The following SHISA9 variants were observed in gnomAD, a reference collection of about 807,000 sequenced individuals.
SHISA9 encodes the protein shisa family member 9.
Under a neutral mutation model 38.0 loss-of-function variants are expected in SHISA9, and 13 were observed. The observed-to-expected ratio is 0.34, with a 90% confidence interval of 0.22 to 0.54. The LOEUF is 0.54. Ranked by LOEUF, SHISA9 falls within the 20% of genes least tolerant of loss-of-function variation. The probability of loss-of-function intolerance (pLI) is 0.91; values close to 1 mark genes in which losing one functional copy is unlikely to be tolerated. For missense variants in SHISA9, 538 were observed against 575.8 expected (o/e 0.93, Z 0.67); for synonymous variants, 275 against 242.0 (o/e 1.14, Z -1.27).
intron 2 of SHISA9, among the ~76,000 whole-genome samples, chr16:13,066,893 T>C (rs139569432): frequency 7.9e-5 from 12 of 152,342 alleles, no homozygotes; most frequent in East Asian, 7.7e-4. Flanking sequence ...TCCTCCTGCA[T>C]TGAGACTCTA....
At chr16:13,348,333 T>A in the SHISA9 span, among the ~76,000 whole-genome samples, 1 of 152,062 alleles carries the variant, frequency 6.6e-6, no homozygotes, top group Non-Finnish European at 1.5e-5. Context: ...GCTCCAAAAG[T>A]GTGAGATTTT....
the SHISA9 span, among the ~76,000 whole-genome samples, chr16:13,497,416 T>A: frequency 6.6e-6 from 1 of 152,226 alleles, no homozygotes; most frequent in South Asian, 2.1e-4. Flanking sequence ...CCGGATGTGG[T>A]GGCTCACACC....
chr16:13,433,323 C>T, the SHISA9 span, among the ~76,000 whole-genome samples: 1 of 152,272 alleles, frequency 6.6e-6, no homozygotes, highest in East Asian at 1.9e-4. Flanking sequence ...AGTTGCTCGT[C>T]TGTAAATCTG....
chr16:13,532,460 G>C, the SHISA9 span, among the ~76,000 whole-genome samples: 1 of 152,120 alleles, frequency 6.6e-6, no homozygotes, highest in Non-Finnish European at 1.5e-5. Context: ...ACCTGGGCTT[G>C]AATCCAAGCT....
chr16:13,254,927 T>G, the SHISA9 span, among the ~76,000 whole-genome samples: 2 of 152,360 alleles, frequency 1.3e-5, no homozygotes, highest in Non-Finnish European at 2.9e-5. Flanking sequence ...GGCCTGAACC[T>G]GAACTTGAGC....
At chr16:13,458,329 G>T in the SHISA9 span, 2 of 299,602 alleles carry the variant, frequency 6.7e-6, no homozygotes, top group South Asian at 3.1e-5. Context: ...GACTCCACAG[G>T]ATGAGTCTCG....
chr16:13,432,665 G>C, the SHISA9 span, among the ~76,000 whole-genome samples: 1 of 152,078 alleles, frequency 6.6e-6, no homozygotes, highest in Non-Finnish European at 1.5e-5. Flanking sequence ...CAAAGCACAG[G>C]AGTGAAAGGC....
chr16:12,906,056 G>C (rs2071088940), intron 1 of SHISA9, among the ~76,000 whole-genome samples: 1 of 152,206 alleles, frequency 6.6e-6, no homozygotes, highest in Non-Finnish European at 1.5e-5. Flanking sequence ...TTGCCGGATT[G>C]TGCCAAGGGT....
chr16:13,447,252 G>C, the SHISA9 span, among the ~76,000 whole-genome samples: 2 of 152,178 alleles, frequency 1.3e-5, no homozygotes, highest in African/African-American at 2.4e-5. Context: ...TCAGGGAGCT[G>C]TTTTGAGTCC....
At chr16:13,336,151 C>T in the SHISA9 span, among the ~76,000 whole-genome samples, 1 of 152,170 alleles carries the variant, frequency 6.6e-6, no homozygotes, top group Non-Finnish European at 1.5e-5. Flanking sequence ...TCACTCTGCT[C>T]AGACCTGTCC....
intron 2 of SHISA9, among the ~76,000 whole-genome samples, chr16:12,986,252 T>C (rs1353951148): frequency 3.9e-5 from 6 of 152,232 alleles, no homozygotes; most frequent in Non-Finnish European, 8.8e-5. Context: ...TTCCTTTTTT[T>C]CCTTTGGACA....
the SHISA9 span, among the ~76,000 whole-genome samples, chr16:13,492,261 C>T: frequency 6.6e-6 from 1 of 152,078 alleles, no homozygotes; most frequent in African/African-American, 2.4e-5. Context: ...TGTGCTGGAG[C>T]CTCTGTGTTC....
At position 13,203,437 on chromosome 16, in the gene SHISA9, C is replaced by A; in HGVS notation, c.735C>A (p.Leu245=). The part of the protein sequence containing the change: ...MNNAVPTSPL[L]QQMGHPHSYP... ...ACGCAGTGCCCACCTCTCCTCTGCT[C>A]CAGCAGATGGGCCATCCACATTCGT... The change falls in exon 3 of 5, where the codon CTC becomes CTA. Residue 245 remains leucine, a synonymous_variant. Transcript: ENST00000558583. The A allele has an allele frequency of 6.4e-7, 1 of 1,550,418 alleles. No individual in the cohort carries two copies. Among genetic ancestry groups the A allele is most frequent in the South Asian group, 1.2e-5 (1 of 83,856 alleles).
intron 2 of SHISA9, among the ~76,000 whole-genome samples, chr16:13,196,801 T>G (rs1236869188): frequency 2.0e-5 from 3 of 152,134 alleles, no homozygotes; most frequent in Non-Finnish European, 4.4e-5. Flanking sequence ...TTTAAAAAAT[T>G]TATTGTTTGA....
chr16:13,366,128 T>G, the SHISA9 span, among the ~76,000 whole-genome samples: 3 of 152,176 alleles, frequency 2.0e-5, no homozygotes, highest in African/African-American at 7.2e-5. Flanking sequence ...GGGCCATGTG[T>G]AAAATGATGG....
chr16:13,332,727 G>A, the SHISA9 span: 1 of 152,166 alleles, frequency 6.6e-6, no homozygotes, highest in African/African-American at 2.4e-5. Flanking sequence ...ATTCAACAGG[G>A]TGTGACCCCA....
the SHISA9 span, among the ~76,000 whole-genome samples, chr16:13,308,802 G>A: frequency 6.6e-6 from 1 of 152,178 alleles, no homozygotes; most frequent in Admixed American, 6.5e-5. Flanking sequence ...TTCCAACTGG[G>A]TCAAATAATT....
intron 1 of SHISA9, among the ~76,000 whole-genome samples, chr16:12,916,391 C>A (rs1242020270): frequency 6.6e-6 from 1 of 152,128 alleles, no homozygotes; most frequent in Non-Finnish European, 1.5e-5. Context: ...CTATGGAGTG[C>A]AGACACATTA....
At chr16:13,548,367 A>G in the SHISA9 span, among the ~76,000 whole-genome samples, 1 of 152,332 alleles carries the variant, frequency 6.6e-6, no homozygotes, top group South Asian at 2.1e-4. Context: ...AAACAAAACT[A>G]CATTAAATGA....
Sources: allele counts gnomAD v4.1 joint callset (sites outside exome capture counted in the v4.1 genomes callset), GRCh38; gene constraint gnomAD v4.1.1; transcripts MANE v1.5; gene names NCBI Gene and HGNC (gene_info 2026-07-23, HGNC 2026-07-21).